Variants in COL5A2 observed in about 807,000 individuals in gnomAD.
The protein encoded by COL5A2 is collagen type V alpha 2 chain.
In COL5A2, 23 loss-of-function variants were observed where a neutral mutation model predicts 208.2. That is an observed-to-expected ratio of 0.11 (90% CI 0.08 to 0.16). COL5A2 has a LOEUF of 0.16. Ranked by LOEUF, COL5A2 falls within the 10% of genes least tolerant of loss-of-function variation. The pLI is 1.00. For missense variants in COL5A2, 1,590 were observed against 1,956.4 expected (o/e 0.81, Z 3.53); for synonymous variants, 625 against 628.5 (o/e 0.99, Z 0.08).
the COL5A2 span, among the ~76,000 whole-genome samples, chr2:189,416,738 T>C: frequency 6.6e-6 from 1 of 152,186 alleles, no homozygotes; most frequent in Non-Finnish European, 1.5e-5. Flanking sequence ...AAAAAAATCC[T>C]TTTATAGTAT....
chr2:189,043,163 A>G lies in COL5A2; in HGVS notation c.3459T>C (p.Leu1153=). ...GHRGFTGLQG[L]PGPPGPNGEQ... is the part of the protein sequence containing the mutation. ...AGGAATAACTTACAGGAGGGCCAGG[A>G]AGACCCTGAAGACCAGTAAAGCCTC... is the stretch of plus-strand genomic sequence containing the variant. Residue 1153 remains leucine (L), a synonymous_variant, in exon 48 of 54, where the codon CTT becomes CTC. Transcript: ENST00000374866. The G allele has an allele frequency of 6.2e-7, 1 of 1,612,974 alleles. No individual in the cohort carries two copies. The highest frequency in any genetic ancestry group is 1.1e-5 in the South Asian group (1 of 90,918).
intron 29 of COL5A2, among the ~76,000 whole-genome samples, chr2:189,062,269 C>T (rs1157438978): frequency 7.9e-5 from 12 of 151,516 alleles, no homozygotes; most frequent in East Asian, 1.9e-4. Context: ...CTACAACCTC[C>T]GCCTCCCGGG....
At chr2:189,059,857 T>C (rs1685989746) in intron 31 of COL5A2, among the ~76,000 whole-genome samples, 1 of 151,962 alleles carries the variant, frequency 6.6e-6, no homozygotes, top group Non-Finnish European at 1.5e-5. Context: ...AGTGCTGGGA[T>C]TACAGGTGTG....
chr2:189,148,794 T>C (rs1229466175), intron 1 of COL5A2, among the ~76,000 whole-genome samples: 23 of 152,188 alleles, frequency 1.5e-4, no homozygotes, highest in Non-Finnish European at 1.2e-4. Flanking sequence ...ATTCCCAAAA[T>C]ATATTAGTGG....
At chr2:189,344,078 A>G in the COL5A2 span, among the ~76,000 whole-genome samples, 1 of 152,200 alleles carries the variant, frequency 6.6e-6, no homozygotes, top group Non-Finnish European at 1.5e-5. Flanking sequence ...AACATATAAC[A>G]TAATAAATGT....
chr2:189,310,681 C>G, the COL5A2 span, among the ~76,000 whole-genome samples: 2 of 151,444 alleles, frequency 1.3e-5, no homozygotes, highest in African/African-American at 2.4e-5. Flanking sequence ...AAGTGACTAT[C>G]AATAGATGAA....
chr2:189,095,501 T>TACACACACACACAA (rs1559101759), intron 6 of COL5A2, among the ~76,000 whole-genome samples: 4 of 151,316 alleles, frequency 2.6e-5, no homozygotes. Context: ...CGCTCTTTCA[T>TACACACACACACAA]ACACACACAC....
At chr2:189,299,842 T>C in the COL5A2 span, among the ~76,000 whole-genome samples, 1 of 152,148 alleles carries the variant, frequency 6.6e-6, no homozygotes, top group Non-Finnish European at 1.5e-5. Context: ...AGTTCTTTCT[T>C]AATGTAGATG....
chr2:189,091,067 A>G (rs1442501352), intron 7 of COL5A2, among the ~76,000 whole-genome samples: 1 of 152,208 alleles, frequency 6.6e-6, no homozygotes, highest in African/African-American at 2.4e-5. Context: ...AGGTGCCATT[A>G]AGAACATTCT....
At chr2:189,436,197 G>A in the COL5A2 span, among the ~76,000 whole-genome samples, 1 of 152,076 alleles carries the variant, frequency 6.6e-6, no homozygotes, top group Non-Finnish European at 1.5e-5. Context: ...AGAAAACCTA[G>A]GCAATACCAT....
chr2:189,333,656 C>G, the COL5A2 span, among the ~76,000 whole-genome samples: 1 of 151,952 alleles, frequency 6.6e-6, no homozygotes, highest in Non-Finnish European at 1.5e-5. Context: ...AAGTTGGGCC[C>G]TAACCTAATA....
chr2:189,283,158 G>A, the COL5A2 span, among the ~76,000 whole-genome samples: 1 of 151,658 alleles, frequency 6.6e-6, no homozygotes, highest in Non-Finnish European at 1.5e-5. Context: ...ATTAGTAAAT[G>A]CTGTTGACTT....
chr2:189,142,849 A>C (rs1245407654), intron 1 of COL5A2, among the ~76,000 whole-genome samples: 1 of 149,838 alleles, frequency 6.7e-6, no homozygotes, highest in Non-Finnish European at 1.5e-5. Flanking sequence ...TTTTTTTTTC[A>C]CTCTGGTTAT....
At chr2:189,345,054 G>A in the COL5A2 span, among the ~76,000 whole-genome samples, 1 of 152,162 alleles carries the variant, frequency 6.6e-6, no homozygotes, top group Non-Finnish European at 1.5e-5. Flanking sequence ...ATTAGGGAGG[G>A]GTAAGAAAGA....
chr2:189,042,442 T>A (rs539794729), intron 49 of COL5A2, among the ~76,000 whole-genome samples: 1 of 152,326 alleles, frequency 6.6e-6, no homozygotes, highest in Non-Finnish European at 1.5e-5. Flanking sequence ...AATAGAAATT[T>A]AAATTAACAC....
chr2:189,390,173 T>C, the COL5A2 span, among the ~76,000 whole-genome samples: 1 of 151,826 alleles, frequency 6.6e-6, no homozygotes, highest in African/African-American at 2.4e-5. Flanking sequence ...TGCCTGTGTG[T>C]TGAACTGTAG....
At chr2:189,048,357 T>A (rs1219379470) in intron 44 of COL5A2, 95 bp from the exon 45 acceptor site, 22 of 1,110,306 alleles carry the variant, frequency 2.0e-5, no homozygotes, top group Non-Finnish European at 3.0e-5. Context: ...TTTACACCTG[T>A]GTTTTATAAA....
intron 1 of COL5A2, among the ~76,000 whole-genome samples, chr2:189,127,505 CT>C (rs1687629998): frequency 6.6e-6 from 1 of 151,896 alleles, no homozygotes; most frequent in Non-Finnish European, 1.5e-5. Flanking sequence ...AAAACCTAGG[CT>C]TTTTTATTTA....
At chr2:189,247,127 G>C in the COL5A2 span, among the ~76,000 whole-genome samples, 1 of 152,116 alleles carries the variant, frequency 6.6e-6, no homozygotes, top group African/African-American at 2.4e-5. Flanking sequence ...ATGGTGATGA[G>C]GTCCAAGCAC....
Sources: gnomAD v4.1 joint callset for allele counts (sites outside exome capture counted in the v4.1 genomes callset) on GRCh38, gnomAD v4.1.1 for gene constraint, MANE v1.5 for transcripts, NCBI Gene and HGNC (gene_info 2026-07-23, HGNC 2026-07-21) for gene names.